CFAP61: variants seen among roughly 807,000 people sequenced by gnomAD.
The protein encoded by CFAP61 is cilia- and flagella-associated protein 61.
Under a neutral mutation model 135.6 loss-of-function variants are expected in CFAP61, and 107 were observed. The observed-to-expected ratio is 0.79, with a 90% CI of 0.67 to 0.93. The LOEUF is 0.93. Ranked by LOEUF, CFAP61 falls within the 40% of genes least tolerant of loss-of-function variation. The pLI is 0.00. For synonymous variants in CFAP61, 575 were observed against 578.5 expected, an observed-to-expected ratio of 0.99 and a Z score of 0.09; for missense variants, 1,507 against 1,556.2, an observed-to-expected ratio of 0.97 and a Z score of 0.53.
chr20:20,217,858 C>T (rs1337927059), intron 17 of CFAP61, among the ~76,000 whole-genome samples: 2 of 152,218 alleles, frequency 1.3e-5, no homozygotes, highest in Non-Finnish European at 2.9e-5. Flanking sequence ...CATGACCATG[C>T]AGCCTTCTCC....
intron 22 of CFAP61, among the ~76,000 whole-genome samples, chr20:20,282,405 G>T (rs994978789): frequency 6.6e-6 from 1 of 151,990 alleles, no homozygotes; most frequent in Non-Finnish European, 1.5e-5. Flanking sequence ...TTAAGTCGTT[G>T]ATTTATATAA....
intron 8 of CFAP61, among the ~76,000 whole-genome samples, chr20:20,116,812 C>A (rs1006794191): frequency 6.6e-6 from 1 of 152,060 alleles, no homozygotes; most frequent in Admixed American, 6.6e-5. Context: ...TTCATGAGAT[C>A]CACTTTTTTA....
intron 26 of CFAP61, among the ~76,000 whole-genome samples, chr20:20,343,380 G>A (rs1327060849): frequency 6.6e-6 from 1 of 152,190 alleles, no homozygotes; most frequent in African/African-American, 2.4e-5. Flanking sequence ...GGAAACAGAG[G>A]TTTAAAGTTA....
At chr20:20,150,005 G>A (rs2052259153) in intron 9 of CFAP61, among the ~76,000 whole-genome samples, 1 of 152,134 alleles carries the variant, frequency 6.6e-6, no homozygotes, top group African/African-American at 2.4e-5. Flanking sequence ...CCTACACACA[G>A]GCTGCCTGTA....
intron 2 of CFAP61, among the ~76,000 whole-genome samples, chr20:20,061,535 A>G (rs2044795635): frequency 6.6e-6 from 1 of 152,240 alleles, no homozygotes; most frequent in Non-Finnish European, 1.5e-5. Flanking sequence ...TCAACAGCAG[A>G]CAGTGTATAG....
At chr20:20,335,632 C>T (rs1382395922) in intron 25 of CFAP61, among the ~76,000 whole-genome samples, 1 of 152,186 alleles carries the variant, frequency 6.6e-6, no homozygotes, top group Non-Finnish European at 1.5e-5. Flanking sequence ...GGCCAAGGCC[C>T]CTATGAATGT....
intron 13 of CFAP61, among the ~76,000 whole-genome samples, chr20:20,172,876 A>G (rs2054328174): frequency 6.6e-6 from 1 of 152,236 alleles, no homozygotes; most frequent in South Asian, 2.1e-4. Flanking sequence ...AATGACATGT[A>G]TCCACTGTTA....
chr20:20,200,253 C>T (rs1182974575), intron 17 of CFAP61, among the ~76,000 whole-genome samples: 5 of 152,208 alleles, frequency 3.3e-5, no homozygotes, highest in Non-Finnish European at 5.9e-5. Context: ...TGATGTTTTG[C>T]TTTCAATGCA....
At chr20:20,091,125 G>T in intron 7 of CFAP61, 149 bp downstream of exon 7, 1 of 857,128 alleles carries the variant, frequency 1.2e-6, no homozygotes, top group Non-Finnish European at 1.9e-6. Flanking sequence ...TGGTGCACCA[G>T]GCCAGCTTCC....
chr20:20,244,088 G>A (rs962392865), intron 18 of CFAP61, among the ~76,000 whole-genome samples: 1 of 152,170 alleles, frequency 6.6e-6, no homozygotes, highest in Non-Finnish European at 1.5e-5. Flanking sequence ...GGCTTTGCAG[G>A]GTACAGCCTC....
At chr20:20,201,599 C>T (rs902463627) in intron 17 of CFAP61, among the ~76,000 whole-genome samples, 6 of 152,154 alleles carry the variant, frequency 3.9e-5, no homozygotes, top group African/African-American at 1.4e-4. Context: ...GAGCCAACAC[C>T]CAGAAGTTTG....
rs138442494 is a variant in CFAP61 at position 20,311,048 on chromosome 20, T to C, written c.3422+12662T>C. On this transcript the variant is annotated intron_variant, in intron 25 of 26. Coordinates refer to ENST00000245957, the MANE Select transcript of CFAP61 (RefSeq NM_015585.4). ...CCTACACTGGACATGAGTCTGGAAA[T>C]TGTAGTCTTTCCCTTCCCGGCCTGT... 1.9e-3 allele frequency among the ~76,000 whole-genome samples: 283 copies of C among 152,278 alleles called. 3 individuals are homozygous for C. The highest frequency in any genetic ancestry group is 0.01 in the Middle Eastern group (3 of 294).
chr20:20,292,973 G>A (rs548131618), intron 24 of CFAP61, among the ~76,000 whole-genome samples: 9 of 152,200 alleles, frequency 5.9e-5, no homozygotes, highest in East Asian at 1.9e-4. Context: ...ATTGCGGGAC[G>A]GTGTGTGGGA....
chr20:20,262,064 C>T (rs949232538), intron 20 of CFAP61, among the ~76,000 whole-genome samples: 2 of 152,056 alleles, frequency 1.3e-5, no homozygotes, highest in East Asian at 1.9e-4. Flanking sequence ...CTGCCTAGCC[C>T]CTCTATATCC....
chr20:20,202,492 C>T (rs1179785749), intron 17 of CFAP61, among the ~76,000 whole-genome samples: 1 of 152,072 alleles, frequency 6.6e-6, no homozygotes, highest in Non-Finnish European at 1.5e-5. Context: ...TGGAATGGGC[C>T]TCGGTATTAA....
chr20:20,297,040 C>T (rs746389153), intron 24 of CFAP61, among the ~76,000 whole-genome samples: 1 of 152,112 alleles, frequency 6.6e-6, no homozygotes, highest in African/African-American at 2.4e-5. Context: ...CCCCCAAATG[C>T]CCAATCTCTC....
At chr20:20,075,689 C>A in intron 6 of CFAP61, 74 bp downstream of exon 6, 1 of 1,539,658 alleles carries the variant, frequency 6.5e-7, no homozygotes, top group Non-Finnish European at 8.9e-7. Context: ...CTTTAAACTA[C>A]CAATGCTAAG....
intron 6 of CFAP61, chr20:20,085,263 T>C: frequency 2.0e-6 from 2 of 985,464 alleles, no homozygotes; most frequent in Non-Finnish European, 2.4e-6. Flanking sequence ...GTTGAAACAT[T>C]TGACTGCATG....
intron 18 of CFAP61, among the ~76,000 whole-genome samples, chr20:20,236,825 G>T (rs1370329697): frequency 1.8e-4 from 27 of 152,160 alleles, no homozygotes; most frequent in Non-Finnish European, 7.3e-5. Context: ...TTTGTGTCTT[G>T]TATTTTGCCA....
Sources: gnomAD v4.1 joint callset for allele counts (sites outside exome capture counted in the v4.1 genomes callset) on GRCh38, gnomAD v4.1.1 for gene constraint, MANE v1.5 for transcripts, NCBI Gene and HGNC (gene_info 2026-07-23, HGNC 2026-07-21) for gene names.